Variants in LPA observed in about 807,000 individuals in gnomAD.
The protein encoded by LPA is lipoprotein(a), also known as apolipoprotein(a).
LPA carries 199 observed loss-of-function variants against 197.9 expected under a neutral mutation model. The ratio of observed to expected loss-of-function variants is 1.01; its 90% CI spans 0.90 to 1.13. The LOEUF (loss-of-function observed/expected upper bound fraction) is 1.13. LPA is among the 50% of genes most tolerant of loss of function. LPA has a pLI of 0.00. For missense variants in LPA, 1,853 were observed against 1,785.8 expected, an observed-to-expected ratio of 1.04 and a Z score of -0.68; for synonymous variants, 715 against 639.5, an observed-to-expected ratio of 1.12 and a Z score of -1.78.
In LPA at chr6:160,601,015, T is replaced by A. The variant is rs770717883; in HGVS notation, c.3029A>T (p.Glu1010Val). Residue 1010 changes from glutamate to valine, a missense_variant, in exon 19 of 39, where the codon GAG becomes GTG. Physicochemically the swap from Glu to Val is moderately radical, Grantham distance 121. Around this residue, in one of 3 missense-constraint regions of LPA, gnomAD observed 1,737 missense variants for 1,504.4 expected, o/e 1.15. Coordinates refer to ENST00000316300, the MANE Select transcript of LPA (RefSeq NM_005577.4). ...TGAGCATCGTGTCAGGTTGCAGTACTCCCACCTGACACTGGGATCTGTTGT... is the reference window on the plus strand; with the variant it reads ...TGAGCATCGTGTCAGGTTGCAGTACACCCACCTGACACTGGGATCTGTTGT... ...CYTTDPSVRWEYCNLTRCSDA... is the reference protein window; with the variant it reads ...CYTTDPSVRWVYCNLTRCSDA... 10 of 1,614,074 alleles carry A rather than the reference T, an allele frequency of 6.2e-6. No homozygotes were observed. The highest frequency in any genetic ancestry group is 8.5e-6 in the Non-Finnish European group (10 of 1,179,954).
intron 28 of LPA, among the ~76,000 whole-genome samples, chr6:160,575,290 A>G (rs1481379022): frequency 1.3e-5 from 2 of 152,126 alleles, no homozygotes; most frequent in Non-Finnish European, 2.9e-5. Context: ...TGATCACAAG[A>G]TCAAATGATC....
intron 1 of LPA, among the ~76,000 whole-genome samples, chr6:160,657,831 T>C (rs1482897522): frequency 6.6e-6 from 1 of 152,180 alleles, no homozygotes; most frequent in Non-Finnish European, 1.5e-5. Context: ...TTAATATCCA[T>C]TCCCATGCCT....
At chr6:160,551,009 T>G (rs1232133506) in intron 30 of LPA, among the ~76,000 whole-genome samples, 4 of 152,248 alleles carry the variant, frequency 2.6e-5, no homozygotes, top group Non-Finnish European at 5.9e-5. Flanking sequence ...TTCTTGGAGA[T>G]GTCTTCGTGG....
chr6:160,570,745 A>G (rs1048260496), intron 28 of LPA, among the ~76,000 whole-genome samples: 1 of 152,206 alleles, frequency 6.6e-6, no homozygotes, highest in Non-Finnish European at 1.5e-5. Context: ...GGGTAACCCA[A>G]ACTTTCTCTC....
At position 160,595,321 on chromosome 6, in the gene LPA, T is replaced by A. The variant is rs565012705; in HGVS notation, c.3469+33A>T. On this transcript the variant is annotated intron_variant, in intron 21 of 38. Coordinates refer to ENST00000316300, the MANE Select transcript of LPA (RefSeq NM_005577.4). ...TGCAACTCTTTTCATCCCAACGTCCTAGGGTGTGGTTGTCTGGCCATAGAC... is the reference window on the plus strand; with the variant it reads ...TGCAACTCTTTTCATCCCAACGTCCAAGGGTGTGGTTGTCTGGCCATAGAC... 5.0e-6 allele frequency: 8 copies of A among 1,609,490 alleles called. No individual in the cohort carries two copies. The African/African-American group carries it at 9.3e-5, about 19-fold the overall frequency.
intron 28 of LPA, among the ~76,000 whole-genome samples, chr6:160,573,494 T>G (rs1778599632): frequency 6.6e-6 from 1 of 152,146 alleles, no homozygotes; most frequent in African/African-American, 2.4e-5. Flanking sequence ...GGGAGTGTGA[T>G]GAGCCTTGTT....
intron 30 of LPA, among the ~76,000 whole-genome samples, chr6:160,551,362 T>A (rs1778164047): frequency 6.6e-6 from 1 of 152,352 alleles, no homozygotes; most frequent in Non-Finnish European, 1.5e-5. Context: ...AAATGCCTAT[T>A]CAATCTGTTG....
intron 10 of LPA, among the ~76,000 whole-genome samples, chr6:160,626,563 AT>A (rs1219621417): frequency 1.3e-4 from 15 of 118,336 alleles, no homozygotes; most frequent in East Asian, 6.5e-4. Context: ...CCATACAGTA[AT>A]TTTTTTCAAT....
At chr6:160,539,488 T>C (rs1447056548) in intron 36 of LPA, among the ~76,000 whole-genome samples, 1 of 151,804 alleles carries the variant, frequency 6.6e-6, no homozygotes, top group African/African-American at 2.4e-5. Context: ...TGTTCATTTG[T>C]TTTGTTTTCT....
chr6:160,579,004 G>A (rs961324358), intron 26 of LPA, among the ~76,000 whole-genome samples: 3 of 152,082 alleles, frequency 2.0e-5, no homozygotes, highest in African/African-American at 7.2e-5. Context: ...TTCACCTTCT[G>A]CCAAATACTT....
chr6:160,554,998 T>C (rs535222833), intron 30 of LPA, among the ~76,000 whole-genome samples: 6 of 152,216 alleles, frequency 3.9e-5, no homozygotes, highest in Admixed American at 3.9e-4. Context: ...TCCTGTACTG[T>C]CTCTTGTCCA....
chr6:160,548,386 C>CT, intron 31 of LPA, 92 bp downstream of exon 31: 1 of 1,314,168 alleles, frequency 7.6e-7, no homozygotes, highest in East Asian at 2.3e-5. Context: ...CTAAAGGCTT[C>CT]TGCATCAGTG....
Position 160,654,007 on chromosome 6 carries a change from A to AT in LPA, c.50-3511dup, listed in dbSNP as rs1780066890. Among the ~76,000 whole-genome samples, 40 of 8,050 alleles carry AT rather than the reference A, an allele frequency of 5.0e-3. 1 individual carries two copies. The highest frequency in any genetic ancestry group is 0.071 in the Middle Eastern group (1 of 14). The allele number at this position is 8,050 out of a possible 152,430, so 5.3% of individuals were successfully genotyped here. Reference sequence around the variant, plus strand: ...ATATATAATATATATTATATATAATATATATTATATATAATATATAATATA... The same window carrying AT: ...ATATATAATATATATTATATATAATATTATATTATATATAATATATAATATA... On this transcript the variant is annotated intron_variant, in intron 1 of 38. Coordinates refer to ENST00000316300, the MANE Select transcript of LPA (RefSeq NM_005577.4).
intron 1 of LPA, among the ~76,000 whole-genome samples, chr6:160,663,261 G>C (rs577825632): frequency 6.6e-6 from 1 of 152,322 alleles, no homozygotes; most frequent in African/African-American, 2.4e-5. Flanking sequence ...ACATTGGAAT[G>C]TGTTTAGATT....
rs1187799619 is a variant in LPA at position 160,541,192 on chromosome 6, A to G, written c.5520-11T>C. 2 of 1,603,998 alleles carry G rather than the reference A, an allele frequency of 1.2e-6. No individual in the cohort carries two copies. Among genetic ancestry groups the G allele is most frequent in the South Asian group, 1.1e-5 (1 of 90,908 alleles). Reference sequence around the variant, plus strand: ...AAGTGCTTTCCAAACCTAGAAAGAAAACATGCCAAGGCTTTGGTCAAATTG... The same window carrying G: ...AAGTGCTTTCCAAACCTAGAAAGAAGACATGCCAAGGCTTTGGTCAAATTG... On this transcript the variant is annotated splice_polypyrimidine_tract_variant and intron_variant, in intron 34 of 38. Coordinates refer to ENST00000316300, the MANE Select transcript of LPA (RefSeq NM_005577.4).
intron 26 of LPA, 74 bp downstream of exon 26, chr6:160,584,972 G>C: frequency 1.3e-6 from 2 of 1,497,886 alleles, no homozygotes; most frequent in Non-Finnish European, 1.9e-6. Context: ...TAGGAAGTGA[G>C]CTTGTAGCAT....
chr6:160,611,238 C>A (rs1415352449), intron 16 of LPA, among the ~76,000 whole-genome samples: 2 of 152,258 alleles, frequency 1.3e-5, no homozygotes, highest in Middle Eastern at 3.4e-3. Context: ...GGAATTCCAA[C>A]TGGAAAGTCT....
Position 160,611,580 on chromosome 6 carries a change from G to A in LPA, c.2585C>T (p.Pro862Leu). 7 of 1,605,462 alleles carry A rather than the reference G, an allele frequency of 4.4e-6. No individual in the cohort carries two copies. The highest frequency in any genetic ancestry group is 5.9e-6 in the Non-Finnish European group (7 of 1,178,996). ...GACATACGCATTTGGGTAGTATTCT[G>A]GGGTCCGACTATGCGAGTGTGGTGT... ...SMTPHSHSRT[P>L]EYYPNAGLIM... The change falls in exon 16 of 39, where the codon CCA (proline) becomes CTA (leucine). Residue 862 changes from proline (P) to leucine (L), a missense_variant. Pro to Leu is a moderately conservative substitution (Grantham distance 98, BLOSUM62 -3). Around this residue, in one of 3 missense-constraint regions of LPA, gnomAD observed 1,737 missense variants for 1,504.4 expected, o/e 1.15. Transcript: ENST00000316300.
At chr6:160,599,754 G>T in intron 19 of LPA, 95 bp from the exon 20 acceptor site, 1 of 1,342,768 alleles carries the variant, frequency 7.4e-7, no homozygotes, top group Non-Finnish European at 1.1e-6. Context: ...GAGTCACTGA[G>T]ATTTACAACC....
Sources: allele counts gnomAD v4.1 joint callset (sites outside exome capture counted in the v4.1 genomes callset), GRCh38; gene constraint gnomAD v4.1.1; regional missense constraint gnomAD v4.1.1; transcripts MANE v1.5; gene names NCBI Gene and HGNC (gene_info 2026-07-23, HGNC 2026-07-21).